ZNF181: variants seen among roughly 807,000 people sequenced by gnomAD.
ZNF181 encodes the protein zinc finger protein 181.
Under a neutral mutation model 11.9 loss-of-function variants are expected in ZNF181, and 8 were observed. The observed-to-expected ratio is 0.67, with a 90% CI of 0.39 to 1.21. ZNF181 has a LOEUF of 1.21. Among genes scored for constraint, ZNF181 ranks in the 50% most tolerant of loss-of-function variants. The pLI is 0.01. For synonymous variants in ZNF181, 202 were observed against 221.1 expected, an observed-to-expected ratio of 0.91 and a Z score of 0.77; for missense variants, 542 against 670.9, an observed-to-expected ratio of 0.81 and a Z score of 2.12.
chr19:34,741,261 A>G lies in ZNF181; in HGVS notation c.880A>G (p.Lys294Glu). The change falls in exon 4 of 4, where the codon AAA becomes GAA. Residue 294 changes from lysine (K) to glutamate (E), a missense_variant. Transcript: ENST00000492450. ...LISHSGEKPY[K>E]CIECGKAFSH... ...AAGCCATAGTGGAGAGAAACCTTACAAATGTATTGAATGTGGGAAGGCCTT... is the reference window on the plus strand; with the variant it reads ...AAGCCATAGTGGAGAGAAACCTTACGAATGTATTGAATGTGGGAAGGCCTT... 1 of 1,613,924 alleles carries G rather than the reference A, an allele frequency of 6.2e-7. No homozygotes were observed. Among genetic ancestry groups the G allele is most frequent in the East Asian group, 2.2e-5 (1 of 44,876 alleles).
intron 1 of ZNF181, among the ~76,000 whole-genome samples, chr19:34,736,965 G>A (rs2068898431): frequency 6.6e-6 from 1 of 152,150 alleles, no homozygotes; most frequent in Non-Finnish European, 1.5e-5. Flanking sequence ...TTTGATTTGG[G>A]ATAAAGGGAA....
intron 1 of ZNF181, among the ~76,000 whole-genome samples, chr19:34,738,534 T>A (rs557496222): frequency 6.9e-6 from 1 of 144,280 alleles, no homozygotes; most frequent in Non-Finnish European, 1.5e-5. Context: ...AATATAAAGG[T>A]TTTTTTTTTG....
intron 1 of ZNF181, among the ~76,000 whole-genome samples, chr19:34,735,923 C>T (rs541958017): frequency 6.6e-6 from 1 of 152,348 alleles, no homozygotes; most frequent in East Asian, 1.9e-4. Flanking sequence ...CACCTTCCCT[C>T]GCCTAGCACT....
At chr19:34,736,528 C>T (rs1349691600) in intron 1 of ZNF181, among the ~76,000 whole-genome samples, 1 of 152,148 alleles carries the variant, frequency 6.6e-6, no homozygotes, top group African/African-American at 2.4e-5. Context: ...TACACTGACA[C>T]ACAGGACTTC....
Position 34,740,694 on chromosome 19 carries a change from G to A in ZNF181, c.313G>A (p.Glu105Lys). ...DEDSPQTVII[E>K]KVVKQSYEFS... ...AGATTCACCCCAAACAGTAATAATA[G>A]AAAAAGTTGTAAAACAAAGTTATGA... The change falls in exon 4 of 4, where the codon GAA becomes AAA. Residue 105 changes from glutamate (E) to lysine (K), a missense_variant. By Grantham distance (56) the Glu-to-Lys change is moderately conservative (BLOSUM62 1). Transcript: ENST00000492450. 1.2e-6 allele frequency: 2 copies of A among 1,612,570 alleles called. No individual in the cohort carries two copies. Among genetic ancestry groups the A allele is most frequent in the Non-Finnish European group, 1.7e-6 (2 of 1,179,416 alleles).
In ZNF181 at chr19:34,741,685, G is replaced by T. The variant is rs1375212440; in HGVS notation, c.1304G>T (p.Cys435Phe). 6.2e-6 allele frequency: 10 copies of T among 1,613,680 alleles called. No homozygotes were observed. The highest frequency in any genetic ancestry group is 3.3e-5 in the South Asian group (3 of 91,072). Residue 435 changes from cysteine to phenylalanine, a missense_variant, in exon 4 of 4, where the codon TGT becomes TTT. Physicochemically the swap from Cys to Phe is radical, Grantham distance 205. Transcript: ENST00000492450. ...CATACTGAAGAAAAACCCTTTGAAT[G>T]TCAGAAATGCAGGAAATCCTTCAAC... ...SIHTEEKPFE[C>F]QKCRKSFNQL...
At position 34,741,175 on chromosome 19, in the gene ZNF181, A is replaced by G. The variant is rs1372666623; in HGVS notation, c.794A>G (p.Tyr265Cys). The change falls in exon 4 of 4, where the codon TAT becomes TGT. Residue 265 changes from tyrosine (Y) to cysteine (C), a missense_variant. By Grantham distance (194) the Tyr-to-Cys change is radical (BLOSUM62 -2). Coordinates refer to ENST00000492450, the MANE Select transcript of ZNF181 (RefSeq NM_001029997.4). ...HWRIHTGEKPYECRECGKTFS... is the reference protein window; with the variant it reads ...HWRIHTGEKPCECRECGKTFS... ...AGAATTCATACAGGAGAGAAGCCCT[A>G]TGAATGTCGTGAATGTGGGAAGACT... The G allele has an allele frequency of 1.4e-5, 22 of 1,614,012 alleles. No homozygotes were observed. Among genetic ancestry groups the G allele is most frequent in the Non-Finnish European group, 1.7e-5 (20 of 1,179,980 alleles).
rs963903058 is a variant in ZNF181 at position 34,744,256 on chromosome 19, G to A, written c.*2159G>A. The stretch of plus-strand genomic sequence containing the variant: ...CAAGAGACAGTAGGTTTGGAATGGG[G>A]TGGTAAACTTTTACTATTTTGCAGG... On this transcript the variant is annotated 3_prime_UTR_variant, in exon 4 of 4. Coordinates refer to ENST00000492450, the MANE Select transcript of ZNF181 (RefSeq NM_001029997.4). The A allele has an allele frequency of 2.0e-5, 3 of 152,120 alleles. No homozygotes were observed. The highest frequency in any genetic ancestry group is 7.2e-5 in the African/African-American group (3 of 41,402). 9.4% of individuals were successfully genotyped at this position (152,120 alleles called of 1,614,324 possible).
Position 34,742,947 on chromosome 19 carries a change from T to G in ZNF181, c.*850T>G, listed in dbSNP as rs2069002088. The G allele has an allele frequency of 6.6e-6, 1 of 152,214 alleles. No individual in the cohort carries two copies. Among genetic ancestry groups the G allele is most frequent in the South Asian group, 2.1e-4 (1 of 4,834 alleles). The allele number at this position is 152,214 out of a possible 1,614,324, so 9.4% of individuals were successfully genotyped here. On this transcript the variant is annotated 3_prime_UTR_variant, in exon 4 of 4. Coordinates refer to ENST00000492450, the MANE Select transcript of ZNF181 (RefSeq NM_001029997.4). Reference sequence around the variant, plus strand: ...CTTAGCGTAGCCTTTAGTGGGAGACTAGCAAACCTAGAGAAAAATGACCTG... The same window carrying G: ...CTTAGCGTAGCCTTTAGTGGGAGACGAGCAAACCTAGAGAAAAATGACCTG...
In ZNF181 at chr19:34,743,150, A is replaced by C. The variant is rs1392321822; in HGVS notation, c.*1053A>C. 6.6e-6 allele frequency: 1 copy of C among 152,190 alleles called. No homozygotes were observed. The highest frequency in any genetic ancestry group is 2.4e-5 in the African/African-American group (1 of 41,464). The allele number at this position is 152,190 out of a possible 1,614,324, so 9.4% of individuals were successfully genotyped here. On this transcript the variant is annotated 3_prime_UTR_variant, in exon 4 of 4. Transcript: ENST00000492450. Reference sequence around the variant, plus strand: ...TTAGTGGTGTGTCAAAGTCAGTAGGAGGGCTTGTTAAAGCACAGATTGCTA... The same window carrying C: ...TTAGTGGTGTGTCAAAGTCAGTAGGCGGGCTTGTTAAAGCACAGATTGCTA...
Position 34,741,589 on chromosome 19 carries a change from A to G in ZNF181, c.1208A>G (p.Lys403Arg). 6.2e-7 allele frequency: 1 copy of G among 1,614,010 alleles called. No individual in the cohort carries two copies. The highest frequency in any genetic ancestry group is 8.5e-7 in the Non-Finnish European group (1 of 1,179,952). ...CATCAAAGAATTCACACTATGGAGAAACAATATGAATGCAACAAATGTCTG... is the reference window on the plus strand; with the variant it reads ...CATCAAAGAATTCACACTATGGAGAGACAATATGAATGCAACAAATGTCTG... Reference protein sequence around the residue: ...TRHQRIHTMEKQYECNKCLKV... With the variant: ...TRHQRIHTMERQYECNKCLKV... Residue 403 changes from lysine to arginine, a missense_variant, in exon 4 of 4, where the codon AAA becomes AGA. By Grantham distance (26) the Lys-to-Arg change is conservative (BLOSUM62 2). Coordinates refer to ENST00000492450, the MANE Select transcript of ZNF181 (RefSeq NM_001029997.4).
At position 34,741,569 on chromosome 19, in the gene ZNF181, A is replaced by G; in HGVS notation, c.1188A>G (p.Gln396=). ...GTAGCTCACACCTTACTCGACATCA[A>G]AGAATTCACACTATGGAGAAACAAT... ...FCCSSHLTRH[Q]RIHTMEKQYE... The change falls in exon 4 of 4, where the codon CAA becomes CAG. Residue 396 remains glutamine, a synonymous_variant. Coordinates refer to ENST00000492450, the MANE Select transcript of ZNF181 (RefSeq NM_001029997.4). The G allele has an allele frequency of 2.5e-6, 4 of 1,614,000 alleles. No homozygotes were observed. The South Asian group carries it at 4.4e-5, about 18-fold the overall frequency.
rs1482631980 is a variant in ZNF181, at chr19:34,734,992, A to C, written c.-46A>C. ...CAGGACACTGCCCATCTCTAAGATA[A>C]GAGCCTGGAAAGAGGACTCTGTTGG... On this transcript the variant is annotated 5_prime_UTR_variant, in exon 1 of 4. An upstream open reading frame in the 5' UTR loses its in-frame stop. Transcript: ENST00000492450. 1 of 1,568,342 alleles carries C rather than the reference A, an allele frequency of 6.4e-7. No individual in the cohort carries two copies. The highest frequency in any genetic ancestry group is 2.3e-5 in the East Asian group (1 of 42,654).
chr19:34,742,855 C>T lies in ZNF181; in HGVS notation c.*758C>T, dbSNP rs2069000606. On this transcript the variant is annotated 3_prime_UTR_variant, in exon 4 of 4. Coordinates refer to ENST00000492450, the MANE Select transcript of ZNF181 (RefSeq NM_001029997.4). The stretch of plus-strand genomic sequence containing the variant: ...TAAAAGTTTTGGCATCTAATAAAAT[C>T]ATTTTGTATATCACAAACTCTTTCA... The T allele has an allele frequency of 6.6e-6, 1 of 152,098 alleles. No individual in the cohort carries two copies. Among genetic ancestry groups the T allele is most frequent in the African/African-American group, 2.4e-5 (1 of 41,422 alleles). 9.4% of individuals were successfully genotyped at this position (152,098 alleles called of 1,614,324 possible).
Position 34,741,848 on chromosome 19 carries a change from T to G in ZNF181, c.1467T>G (p.Tyr489Ter), listed in dbSNP as rs201356205. Residue 489 changes from tyrosine to a stop codon, truncating the protein, a stop_gained, in exon 4 of 4, where the codon TAT becomes TAG. Transcript: ENST00000492450. LOFTEE classifies it low-confidence loss of function (END_TRUNC). ...GAATTCATACTGGAGAGAAACCTTATGAATGTATTAAATGTGGGAAGACCT... is the reference window on the plus strand; with the variant it reads ...GAATTCATACTGGAGAGAAACCTTAGGAATGTATTAAATGTGGGAAGACCT... The part of the protein sequence containing the change: ...HHRIHTGEKP[Y>*]ECIKCGKTFS... 1 of 1,613,776 alleles carries G rather than the reference T, an allele frequency of 6.2e-7. No individual in the cohort carries two copies.
chr19:34,738,759 T>TCATTTTTTAATTACTTACCTAG (rs2068924859), intron 1 of ZNF181, among the ~76,000 whole-genome samples: 1 of 152,160 alleles, frequency 6.6e-6, no homozygotes, highest in African/African-American at 2.4e-5. Flanking sequence ...CACTTTACCC[T>TCATTTTTTAATTACTTACCTAG]CATTTTTTAA....
At position 34,741,747 on chromosome 19, in the gene ZNF181, A is replaced by G; in HGVS notation, c.1366A>G (p.Ile456Val). 6.2e-7 allele frequency: 1 copy of G among 1,614,020 alleles called. No individual in the cohort carries two copies. Among genetic ancestry groups the G allele is most frequent in the South Asian group, 1.1e-5 (1 of 91,080 alleles). The part of the protein sequence containing the change: ...ESLNMHLRNH[I>V]RLKPYECSIC... The stretch of plus-strand genomic sequence containing the variant: ...ACTGAATATGCATTTGAGAAATCAC[A>G]TTAGATTGAAACCCTACGAATGCAG... The change falls in exon 4 of 4, where the codon ATT becomes GTT. Residue 456 changes from isoleucine to valine, a missense_variant. Ile to Val is a conservative substitution (Grantham distance 29). Coordinates refer to ENST00000492450, the MANE Select transcript of ZNF181 (RefSeq NM_001029997.4).
At position 34,743,230 on chromosome 19, in the gene ZNF181, G is replaced by A. The variant is rs1229268394; in HGVS notation, c.*1133G>A. The A allele has an allele frequency of 6.6e-6, 1 of 152,124 alleles. No individual in the cohort carries two copies. The highest frequency in any genetic ancestry group is 1.5e-5 in the Non-Finnish European group (1 of 68,018). 9.4% of individuals were successfully genotyped at this position (152,124 alleles called of 1,614,324 possible). A position where few individuals can be genotyped will look rare whatever the true frequency, so the allele number is the denominator to read the frequency against. On this transcript the variant is annotated 3_prime_UTR_variant, in exon 4 of 4. Coordinates refer to ENST00000492450, the MANE Select transcript of ZNF181 (RefSeq NM_001029997.4). Reference sequence around the variant, plus strand: ...TGATTTGAATTTGCATTTTTCATGCGTTCTTAGGCGACACACTGTCCAGAA... The same window carrying A: ...TGATTTGAATTTGCATTTTTCATGCATTCTTAGGCGACACACTGTCCAGAA...
rs1185363917 is a variant in ZNF181, at chr19:34,740,988, G to C, written c.607G>C (p.Val203Leu). ...PKKSVIKNEK[V>L]NGGKKLLNSN... ...AAAGTCAGTTATAAAAAATGAGAAA[G>C]TCAATGGTGGAAAGAAACTTTTGAA... The change falls in exon 4 of 4, where the codon GTC (valine) becomes CTC (leucine). Residue 203 changes from valine to leucine, a missense_variant. Physicochemically the swap from Val to Leu is conservative, Grantham distance 32. Transcript: ENST00000492450. 2 of 1,613,964 alleles carry C rather than the reference G, an allele frequency of 1.2e-6. No individual in the cohort carries two copies. Among genetic ancestry groups the C allele is most frequent in the African/African-American group, 2.7e-5 (2 of 74,912 alleles).
Sources: gnomAD v4.1 joint callset for allele counts (sites outside exome capture counted in the v4.1 genomes callset) on GRCh38, gnomAD v4.1.1 for gene constraint, MANE v1.5 for transcripts, NCBI Gene and HGNC (gene_info 2026-07-23, HGNC 2026-07-21) for gene names.